The following RBM27 variants were observed in gnomAD, a reference collection of about 807,000 sequenced individuals.
RBM27 encodes the protein RNA-binding protein 27.
Under a neutral mutation model 135.3 loss-of-function variants are expected in RBM27, and 22 were observed. The observed-to-expected ratio is 0.16, with a 90% CI of 0.12 to 0.23. RBM27 has a LOEUF of 0.23. Among genes scored for constraint, RBM27 ranks in the 10% least tolerant of loss-of-function variants. RBM27 has a pLI of 1.00. For missense variants in RBM27, 1,009 were observed against 1,281.0 expected (o/e 0.79, Z 3.24); for synonymous variants, 481 against 442.4 (o/e 1.09, Z -1.10).
chr5:146,239,422 A>T (rs1372224723), intron 8 of RBM27, among the ~76,000 whole-genome samples: 2 of 147,404 alleles, frequency 1.4e-5, no homozygotes, highest in Admixed American at 6.8e-5. Context: ...TTTCTGAGCC[A>T]TCAGTAAACC....
chr5:146,219,219 A>G, intron 2 of RBM27, 116 bp downstream of exon 2: 1 of 638,852 alleles, frequency 1.6e-6, no homozygotes, highest in South Asian at 2.2e-5. Context: ...AGTCCTTTGA[A>G]TACTTGAATA....
chr5:146,227,900 T>A (rs139136147), intron 3 of RBM27, among the ~76,000 whole-genome samples: 1 of 152,372 alleles, frequency 6.6e-6, no homozygotes, highest in East Asian at 1.9e-4. Flanking sequence ...ATAGCATTCA[T>A]TGATTTAACC....
At chr5:146,240,053 A>G (rs1034629851) in intron 8 of RBM27, among the ~76,000 whole-genome samples, 1 of 152,104 alleles carries the variant, frequency 6.6e-6, no homozygotes, top group East Asian at 1.9e-4. Flanking sequence ...TTGGGATTAC[A>G]GGCGTGAGCC....
rs201361086 is a variant in RBM27, at chr5:146,254,160, C to CAAAT, written c.1445-782_1445-779dup. On this transcript the variant is annotated intron_variant, in intron 9 of 20. Transcript: ENST00000265271. ...TTGTGTATGTGAAAATTTGTATTAA[C>CAAAT]AAATGTGCATTGGGCTGGGCACAGT... is the stretch of plus-strand genomic sequence containing the variant. Among the ~76,000 whole-genome samples the CAAAT allele has an allele frequency of 8.3e-3, 1,269 of 152,222 alleles. 15 individuals carry two copies. Among genetic ancestry groups the CAAAT allele is most frequent in the African/African-American group, 0.029 (1,205 of 41,546 alleles).
At chr5:146,278,834 G>T (rs1759203630) in intron 19 of RBM27, among the ~76,000 whole-genome samples, 1 of 151,098 alleles carries the variant, frequency 6.6e-6, no homozygotes, top group African/African-American at 2.4e-5. Flanking sequence ...CCATTCTCCT[G>T]CCTCAGCCTC....
Position 146,271,464 on chromosome 5 carries a change from A to AG in RBM27, c.2797-19_2797-18insG. The AG allele has an allele frequency of 6.3e-7, 1 of 1,584,592 alleles. No homozygotes were observed. Among genetic ancestry groups the AG allele is most frequent in the Non-Finnish European group, 8.6e-7 (1 of 1,157,494 alleles). On this transcript the variant is annotated intron_variant, in intron 18 of 20. Coordinates refer to ENST00000265271, the MANE Select transcript of RBM27 (RefSeq NM_018989.2). Reference sequence around the variant, plus strand: ...AGTCTAATAATGTATGCTACATTCTACTTTTTGTTGTTATTCAGGCTGCAC... The same window carrying AG: ...AGTCTAATAATGTATGCTACATTCTAGCTTTTTGTTGTTATTCAGGCTGCAC...
chr5:146,236,438 C>A (rs1757163381), intron 7 of RBM27, among the ~76,000 whole-genome samples: 2 of 152,186 alleles, frequency 1.3e-5, no homozygotes, highest in South Asian at 4.1e-4. Context: ...CACCTTCACC[C>A]ATAGAGGCAA....
intron 5 of RBM27, 27 bp downstream of exon 5, chr5:146,229,937 A>T: frequency 6.2e-7 from 1 of 1,611,054 alleles, no homozygotes; most frequent in Non-Finnish European, 8.5e-7. Context: ...CCCCCTAAAA[A>T]CTCTGTAGTT....
intron 19 of RBM27, among the ~76,000 whole-genome samples, chr5:146,281,568 T>C (rs1404083190): frequency 6.6e-6 from 1 of 152,174 alleles, no homozygotes; most frequent in Non-Finnish European, 1.5e-5. Flanking sequence ...AAAAATCTCA[T>C]AGTGTTTTAA....
At chr5:146,242,656 C>T (rs543041702) in intron 8 of RBM27, among the ~76,000 whole-genome samples, 42 of 152,238 alleles carry the variant, frequency 2.8e-4, no homozygotes, top group South Asian at 2.5e-3. Flanking sequence ...TGCAGTGGTG[C>T]GATCTCAGCT....
Position 146,243,170 on chromosome 5 carries a change from G to A in RBM27, c.1279+5738G>A, listed in dbSNP as rs192040304. On this transcript the variant is annotated intron_variant, in intron 8 of 20. Transcript: ENST00000265271. ...AATCCCAGCTACTCAGGAGGCTGAG[G>A]CCAGAGAATCACTTGAGCCTGGGAG... Among the ~76,000 whole-genome samples, 895 of 152,200 alleles carry A rather than the reference G, an allele frequency of 5.9e-3. 8 individuals are homozygous for A. Among genetic ancestry groups the A allele is most frequent in the African/African-American group, 0.02 (843 of 41,534 alleles).
intron 8 of RBM27, among the ~76,000 whole-genome samples, chr5:146,242,037 G>T (rs1224267319): frequency 6.6e-6 from 1 of 151,940 alleles, no homozygotes; most frequent in Non-Finnish European, 1.5e-5. Flanking sequence ...TGTTACTCCT[G>T]CCTCAGCTTC....
chr5:146,284,985 C>G (rs1037642133), intron 20 of RBM27, among the ~76,000 whole-genome samples: 30 of 151,964 alleles, frequency 2.0e-4, no homozygotes, highest in African/African-American at 7.0e-4. Flanking sequence ...TATTTGAGCT[C>G]TAGAAATTTT....
chr5:146,264,186 G>GTTTT (rs1758516331), intron 14 of RBM27, among the ~76,000 whole-genome samples: 1 of 151,878 alleles, frequency 6.6e-6, no homozygotes, highest in Non-Finnish European at 1.5e-5. Flanking sequence ...TTGTTTGTTT[G>GTTTT]TTTGTTTGTT....
chr5:146,263,146 A>G (rs1342384298), intron 13 of RBM27, among the ~76,000 whole-genome samples: 1 of 152,176 alleles, frequency 6.6e-6, no homozygotes, highest in Non-Finnish European at 1.5e-5. Flanking sequence ...GGCCTCCCAA[A>G]GTGCTGGGAT....
At chr5:146,282,068 A>C (rs1187629138) in intron 19 of RBM27, among the ~76,000 whole-genome samples, 5 of 136,576 alleles carry the variant, frequency 3.7e-5, no homozygotes, top group Non-Finnish European at 7.5e-5. Flanking sequence ...CAGTGGCGCG[A>C]TCTCGGCTCT....
At chr5:146,242,760 A>C (rs987273783) in intron 8 of RBM27, among the ~76,000 whole-genome samples, 11 of 150,542 alleles carry the variant, frequency 7.3e-5, no homozygotes, top group Non-Finnish European at 1.0e-4. Flanking sequence ...AGCCCGGCTA[A>C]TTTTTTTTTG....
intron 11 of RBM27, 79 bp from the exon 12 acceptor site, chr5:146,260,666 C>A (rs1758357055): frequency 7.8e-7 from 1 of 1,289,110 alleles, no homozygotes; most frequent in Non-Finnish European, 1.0e-6. Context: ...AAATTATAAA[C>A]CTAAATTCTT....
chr5:146,250,767 G>T (rs74415920), intron 8 of RBM27, among the ~76,000 whole-genome samples: 204 of 108,254 alleles, frequency 1.9e-3, no homozygotes, highest in Middle Eastern at 4.9e-3. Flanking sequence ...TTTTTTTTTT[G>T]TCCTTTTTTT....
Sources: allele counts gnomAD v4.1 joint callset (sites outside exome capture counted in the v4.1 genomes callset), GRCh38; gene constraint gnomAD v4.1.1; transcripts MANE v1.5; gene names NCBI Gene and HGNC (gene_info 2026-07-23, HGNC 2026-07-21).